Variants in DENND5A observed in about 807,000 individuals in gnomAD.
DENND5A encodes DENN domain containing 5A, also known as DENN domain-containing protein 5A.
Under a neutral mutation model 140.3 loss-of-function variants are expected in DENND5A, and 64 were observed. The observed-to-expected ratio is 0.46, with a 90% CI of 0.37 to 0.56. The LOEUF is 0.56. DENND5A is among the 20% of genes least tolerant of loss of function. The probability of loss-of-function intolerance (pLI) is 0.00; values close to 1 mark genes in which losing one functional copy is unlikely to be tolerated. For missense variants in DENND5A, 1,292 were observed against 1,593.8 expected, an observed-to-expected ratio of 0.81 and a Z score of 3.22; for synonymous variants, 605 against 607.7, an observed-to-expected ratio of 1.00 and a Z score of 0.07.
intron 1 of DENND5A, among the ~76,000 whole-genome samples, chr11:9,247,663 G>A (rs1002681892): frequency 6.6e-6 from 1 of 152,134 alleles, no homozygotes; most frequent in African/African-American, 2.4e-5. Context: ...TTGTGCCTGA[G>A]ATGCTCATGT....
intron 1 of DENND5A, among the ~76,000 whole-genome samples, chr11:9,260,050 A>T (rs1852126321): frequency 1.4e-5 from 2 of 143,858 alleles, no homozygotes; most frequent in African/African-American, 5.1e-5. Flanking sequence ...AAAAAAAAAA[A>T]GAGAGAGACT....
chr11:9,226,317 G>A (rs1369355124), intron 1 of DENND5A, among the ~76,000 whole-genome samples: 4 of 152,014 alleles, frequency 2.6e-5, no homozygotes, highest in African/African-American at 9.7e-5. Flanking sequence ...AGAACCCTAC[G>A]GTATAATTTG....
Position 9,261,129 on chromosome 11 carries a change from G to A in DENND5A, c.109+3832C>T, listed in dbSNP as rs190119058. Among the ~76,000 whole-genome samples the A allele has an allele frequency of 1.8e-3, 274 of 152,306 alleles. 6 individuals carry two copies. The highest frequency in any genetic ancestry group is 0.016 in the Admixed American group (240 of 15,278). Reference sequence around the variant, plus strand: ...GCCTCCCAAAGTACTGGGATTACAGGTGTGAGCTACTGCGCCCAGCCTCCA... The same window carrying A: ...GCCTCCCAAAGTACTGGGATTACAGATGTGAGCTACTGCGCCCAGCCTCCA... On this transcript the variant is annotated intron_variant, in intron 1 of 22. Transcript: ENST00000328194.
chr11:9,147,528 C>T (rs998118933), intron 15 of DENND5A, among the ~76,000 whole-genome samples: 1 of 152,176 alleles, frequency 6.6e-6, no homozygotes, highest in African/African-American at 2.4e-5. Flanking sequence ...GTGTGAGTGG[C>T]AGTGGATGAA....
rs555574229 is a variant in DENND5A, at chr11:9,249,329, T to C, written c.109+15632A>G. On this transcript the variant is annotated intron_variant, in intron 1 of 22. Coordinates refer to ENST00000328194, the MANE Select transcript of DENND5A (RefSeq NM_015213.4). ...GTAATTTGTTATAAATCAGGTTTAT[T>C]CATTTACTGTCTTATAATTGTGGCC... 2.2e-4 allele frequency among the ~76,000 whole-genome samples: 34 copies of C among 152,284 alleles called. 1 individual carries two copies. In the South Asian group the frequency reaches 7.0e-3, roughly 32 times the overall value.
At chr11:9,245,297 A>AG (rs1851423201) in intron 1 of DENND5A, 1 of 148,074 alleles carries the variant, frequency 6.8e-6, no homozygotes, top group Non-Finnish European at 1.5e-5. Context: ...AAAAAAAAAA[A>AG]CACAAAAAAA....
intron 1 of DENND5A, among the ~76,000 whole-genome samples, chr11:9,219,243 C>A (rs1850217200): frequency 6.6e-6 from 1 of 151,976 alleles, no homozygotes; most frequent in African/African-American, 2.4e-5. Context: ...TGAAAACAGA[C>A]CCACACCAAG....
chr11:9,193,210 C>G (rs1269051758), intron 5 of DENND5A, among the ~76,000 whole-genome samples: 1 of 152,204 alleles, frequency 6.6e-6, no homozygotes, highest in Non-Finnish European at 1.5e-5. Context: ...CTGGGTAACA[C>G]AGCAAGACCT....
intron 1 of DENND5A, among the ~76,000 whole-genome samples, chr11:9,228,358 C>G (rs1015743969): frequency 1.3e-5 from 2 of 152,122 alleles, no homozygotes; most frequent in African/African-American, 4.8e-5. Flanking sequence ...AGCTCCCCAC[C>G]ACCACCTGCA....
chr11:9,259,490 C>T lies in DENND5A; in HGVS notation c.109+5471G>A, dbSNP rs555259368. The stretch of plus-strand genomic sequence containing the variant: ...CTGAGGCAGGAGAATGGCGTGAACC[C>T]GGGAGGCGGAGTTTGCAGTGAGCCG... On this transcript the variant is annotated intron_variant, in intron 1 of 22. Transcript: ENST00000328194. Among the ~76,000 whole-genome samples, 483 of 152,072 alleles carry T rather than the reference C, an allele frequency of 3.2e-3. 2 individuals carry two copies. The highest frequency in any genetic ancestry group is 0.011 in the African/African-American group (463 of 41,478).
chr11:9,170,191 T>A (rs546109321), intron 9 of DENND5A: 8 of 787,402 alleles, frequency 1.0e-5, no homozygotes, highest in Non-Finnish European at 1.2e-5. Flanking sequence ...ACTTGACATA[T>A]AGATCTAAAA....
chr11:9,243,416 C>T (rs539399388), intron 1 of DENND5A, among the ~76,000 whole-genome samples: 1 of 152,192 alleles, frequency 6.6e-6, no homozygotes, highest in African/African-American at 2.4e-5. Context: ...ACGGTTGACC[C>T]TTGAACAACA....
At position 9,204,106 on chromosome 11, in the gene DENND5A, G is replaced by T; in HGVS notation, c.503C>A (p.Pro168His). The change falls in exon 4 of 23, where the codon CCT becomes CAT. Residue 168 changes from proline (P) to histidine (H), a missense_variant. This residue lies in a region of DENND5A where 566 missense variants were observed against 650.4 expected (regional missense o/e 0.87). Coordinates refer to ENST00000328194, the MANE Select transcript of DENND5A (RefSeq NM_015213.4). ...NAEYDVLHAP[P>H]ADDRDQSSME... The stretch of plus-strand genomic sequence containing the variant: ...GCTGCTCTGGTCTCTGTCATCAGCA[G>T]GGGGAGCATGTAGGACATCATACTC... 2 of 1,614,154 alleles carry T rather than the reference G, an allele frequency of 1.2e-6. No individual in the cohort carries two copies. Among genetic ancestry groups the T allele is most frequent in the Non-Finnish European group, 1.7e-6 (2 of 1,180,018 alleles).
At chr11:9,170,870 C>T (rs1274763267) in intron 8 of DENND5A, 93 bp from the exon 9 acceptor site, 2 of 1,557,910 alleles carry the variant, frequency 1.3e-6, no homozygotes, top group African/African-American at 2.7e-5. Context: ...AATCTAGCTA[C>T]TCTTCCATTT....
intron 1 of DENND5A, among the ~76,000 whole-genome samples, chr11:9,233,032 C>G (rs560347006): frequency 6.6e-6 from 1 of 152,236 alleles, no homozygotes; most frequent in Admixed American, 6.5e-5. Context: ...TGTTAGAAGT[C>G]AAAATACTGG....
chr11:9,195,142 G>A lies in DENND5A; in HGVS notation c.950-1461C>T, dbSNP rs1849279684. Among the ~76,000 whole-genome samples the A allele has an allele frequency of 2.7e-5, 4 of 148,108 alleles. No homozygotes were observed. The South Asian group carries it at 8.6e-4, about 32-fold the overall frequency. On this transcript the variant is annotated intron_variant, in intron 4 of 22. Coordinates refer to ENST00000328194, the MANE Select transcript of DENND5A (RefSeq NM_015213.4). ...TTATTGCCCAGGCTGCAGTGCAATG[G>A]CACAATCTCAGCTCCACAACCTCCA...
intron 1 of DENND5A, among the ~76,000 whole-genome samples, chr11:9,261,113 A>G (rs1852177874): frequency 1.3e-5 from 2 of 152,260 alleles, no homozygotes; most frequent in South Asian, 4.2e-4. Flanking sequence ...AGCCTCCCAA[A>G]GTACTGGGAT....
At chr11:9,157,341 T>C (rs1343340651) in intron 12 of DENND5A, among the ~76,000 whole-genome samples, 2 of 152,346 alleles carry the variant, frequency 1.3e-5, no homozygotes, top group African/African-American at 4.8e-5. Context: ...CTTTTAACTT[T>C]TATTTTAGGT....
At chr11:9,216,357 T>C (rs914553761) in intron 1 of DENND5A, among the ~76,000 whole-genome samples, 1 of 152,220 alleles carries the variant, frequency 6.6e-6, no homozygotes, top group Non-Finnish European at 1.5e-5. Flanking sequence ...CATTAGCTCT[T>C]CCTCAGCTAC....
Sources: gnomAD v4.1 joint callset for allele counts (sites outside exome capture counted in the v4.1 genomes callset) on GRCh38, gnomAD v4.1.1 for gene constraint, gnomAD v4.1.1 regional missense constraint, MANE v1.5 for transcripts, NCBI Gene and HGNC (gene_info 2026-07-23, HGNC 2026-07-21) for gene names.